The following CPA6 variants were observed in gnomAD, a reference collection of about 807,000 sequenced individuals.
CPA6 encodes carboxypeptidase B.
In CPA6, 58 loss-of-function variants were observed where a neutral mutation model predicts 63.3. The observed-to-expected ratio is 0.92, with a 90% CI of 0.74 to 1.14. The LOEUF is 1.14. Ranked by LOEUF, CPA6 falls within the 50% of genes most tolerant of loss-of-function variation. CPA6 has a pLI of 0.00. For synonymous variants in CPA6, 185 were observed against 179.0 expected (o/e 1.03, Z -0.27); for missense variants, 565 against 526.6 (o/e 1.07, Z -0.71).
intron 1 of CPA6, among the ~76,000 whole-genome samples, chr8:67,645,010 C>T (rs911844486): frequency 2.6e-5 from 4 of 152,242 alleles, no homozygotes; most frequent in African/African-American, 9.6e-5. Flanking sequence ...AATCACACCC[C>T]TAATACTTTT....
intron 1 of CPA6, among the ~76,000 whole-genome samples, chr8:67,743,556 C>A (rs980511612): frequency 6.6e-6 from 1 of 152,118 alleles, no homozygotes; most frequent in African/African-American, 2.4e-5. Flanking sequence ...GCAAACAGGT[C>A]TTACTCTTTC....
chr8:67,716,314 G>T (rs186344517), intron 1 of CPA6, among the ~76,000 whole-genome samples: 2 of 152,230 alleles, frequency 1.3e-5, no homozygotes, highest in African/African-American at 4.8e-5. Context: ...GAGATAGGTC[G>T]CATAAGATAC....
intron 8 of CPA6, among the ~76,000 whole-genome samples, chr8:67,474,605 T>A (rs1429165678): frequency 6.6e-6 from 1 of 152,112 alleles, no homozygotes; most frequent in East Asian, 1.9e-4. Flanking sequence ...ATGCCCATAA[T>A]GCACACTACT....
chr8:67,612,217 T>A (rs1587633375), intron 2 of CPA6, among the ~76,000 whole-genome samples: 1 of 152,166 alleles, frequency 6.6e-6, no homozygotes, highest in African/African-American at 2.4e-5. Context: ...GAAAAGTATA[T>A]CCTGCCATTC....
At chr8:67,476,793 C>T (rs1811250347) in intron 8 of CPA6, among the ~76,000 whole-genome samples, 1 of 152,168 alleles carries the variant, frequency 6.6e-6, no homozygotes, top group Non-Finnish European at 1.5e-5. Context: ...CAAGTTCCCT[C>T]ACTTCTCTCT....
At chr8:67,677,341 TC>T (rs142874797) in intron 1 of CPA6, among the ~76,000 whole-genome samples, 5 of 109,090 alleles carry the variant, frequency 4.6e-5, no homozygotes, top group Admixed American at 1.0e-4. Context: ...CAAAACACCT[TC>T]TTTTTTTTTT....
chr8:67,527,145 T>C (rs1812380517), intron 2 of CPA6, among the ~76,000 whole-genome samples: 1 of 152,198 alleles, frequency 6.6e-6, no homozygotes. Context: ...CTCTACTGTC[T>C]TTTGATGACT....
At chr8:67,448,721 G>C (rs1360478173) in intron 8 of CPA6, among the ~76,000 whole-genome samples, 1 of 135,586 alleles carries the variant, frequency 7.4e-6, no homozygotes, top group African/African-American at 2.9e-5. Flanking sequence ...AAGAAAAAAA[G>C]AAAGTTTTCC....
At chr8:67,492,664 A>T (rs1482680859) in intron 6 of CPA6, among the ~76,000 whole-genome samples, 1 of 152,204 alleles carries the variant, frequency 6.6e-6, no homozygotes, top group African/African-American at 2.4e-5. Flanking sequence ...CTCATTGATT[A>T]TGAAGATTGC....
At chr8:67,488,865 G>T (rs577361223) in intron 6 of CPA6, among the ~76,000 whole-genome samples, 1 of 152,040 alleles carries the variant, frequency 6.6e-6, no homozygotes, top group African/African-American at 2.4e-5. Flanking sequence ...GTCTGTTATT[G>T]GTGTAAGAAT....
chr8:67,530,189 A>C (rs572476853), intron 2 of CPA6, among the ~76,000 whole-genome samples: 11 of 147,664 alleles, frequency 7.4e-5, no homozygotes, highest in African/African-American at 2.6e-4. Context: ...CATTTCCCAG[A>C]GAGTAGAACA....
intron 2 of CPA6, among the ~76,000 whole-genome samples, chr8:67,585,348 G>A (rs534244877): frequency 7.2e-5 from 11 of 152,188 alleles, no homozygotes; most frequent in Non-Finnish European, 1.5e-4. Context: ...GCAGTAATTG[G>A]TAGGCAAGGG....
At chr8:67,518,509 C>CTTTTTTTTTTTT (rs71554610) in intron 2 of CPA6, among the ~76,000 whole-genome samples, 1 of 129,882 alleles carries the variant, frequency 7.7e-6, no homozygotes, top group Non-Finnish European at 1.6e-5. Context: ...CTTTTCTTTT[C>CTTTTTTTTTTTT]TTTTTTTTTT....
chr8:67,745,033 C>A (rs537081602), intron 1 of CPA6, among the ~76,000 whole-genome samples: 60 of 152,292 alleles, frequency 3.9e-4, no homozygotes, highest in African/African-American at 1.4e-3. Flanking sequence ...CTTACAAATT[C>A]TCTTTTACAC....
intron 1 of CPA6, among the ~76,000 whole-genome samples, chr8:67,636,375 G>A (rs1238279062): frequency 6.6e-6 from 1 of 151,388 alleles, no homozygotes; most frequent in Non-Finnish European, 1.5e-5. Flanking sequence ...AAATTATGTA[G>A]GGCAGTTTGA....
chr8:67,636,493 T>C (rs1168872177), intron 1 of CPA6, among the ~76,000 whole-genome samples: 1 of 151,558 alleles, frequency 6.6e-6, no homozygotes. Context: ...AAATTCACTG[T>C]TAAATCAGTC....
At chr8:67,695,874 T>C (rs1279165374) in intron 1 of CPA6, among the ~76,000 whole-genome samples, 2 of 152,160 alleles carry the variant, frequency 1.3e-5, no homozygotes, top group Admixed American at 1.3e-4. Flanking sequence ...TTACCCCTAG[T>C]GACCCACTAG....
At chr8:67,471,203 T>G (rs1389277251) in intron 8 of CPA6, among the ~76,000 whole-genome samples, 1 of 152,154 alleles carries the variant, frequency 6.6e-6, no homozygotes, top group Non-Finnish European at 1.5e-5. Flanking sequence ...TCCTTCTGTG[T>G]GCACTGTCTT....
At chr8:67,605,321 G>A (rs1033642211) in intron 2 of CPA6, among the ~76,000 whole-genome samples, 1 of 152,016 alleles carries the variant, frequency 6.6e-6, no homozygotes. Flanking sequence ...GGTATTGAAT[G>A]GGGATTAATT....
Sources: allele counts gnomAD v4.1 joint callset (sites outside exome capture counted in the v4.1 genomes callset), GRCh38; gene constraint gnomAD v4.1.1; transcripts MANE v1.5; gene names NCBI Gene and HGNC (gene_info 2026-07-23, HGNC 2026-07-21).